The following SGK1 variants were observed in gnomAD, a reference collection of about 807,000 sequenced individuals.
The protein encoded by SGK1 is serine/threonine-protein kinase Sgk1.
Under a neutral mutation model 64.2 loss-of-function variants are expected in SGK1, and 26 were observed. The observed-to-expected ratio is 0.40, with a 90% confidence interval of 0.30 to 0.56. The LOEUF is 0.56. SGK1 is among the 20% of genes least tolerant of loss of function. SGK1 has a pLI of 0.38. For synonymous variants in SGK1, 265 were observed against 239.7 expected (o/e 1.11, Z -0.98); for missense variants, 519 against 645.6 (o/e 0.80, Z 2.12).
chr6:134,229,820 C>G (rs1192277917), intron 2 of SGK1, among the ~76,000 whole-genome samples: 1 of 152,002 alleles, frequency 6.6e-6, no homozygotes, highest in Non-Finnish European at 1.5e-5. Flanking sequence ...GAATGAGGCC[C>G]CAGGGTCAGG....
At chr6:134,313,134 T>G (rs1452992345) in intron 1 of SGK1, among the ~76,000 whole-genome samples, 1 of 152,230 alleles carries the variant, frequency 6.6e-6, no homozygotes, top group Non-Finnish European at 1.5e-5. Context: ...CCAGCAATAT[T>G]AATGCCATTT....
At chr6:134,296,919 ACCCTGCACAGGGGCCTCCCT>A (rs147241981) in intron 1 of SGK1, 48,608 of 375,384 alleles carry the variant, frequency 0.13, 3,367 homozygotes, top group East Asian at 0.28. Context: ...TCCCTGTCCT[ACCCTGCACAGGGGCCTCCCT>A]CCTGGGCTCT....
chr6:134,234,600 G>A (rs570224522), intron 2 of SGK1, among the ~76,000 whole-genome samples: 32 of 152,136 alleles, frequency 2.1e-4, no homozygotes, highest in African/African-American at 7.0e-4. Flanking sequence ...TTGGAGGGCC[G>A]GGTGTGGTGG....
chr6:134,178,980 CTATTT>C (rs770700749), intron 3 of SGK1, among the ~76,000 whole-genome samples: 11 of 150,794 alleles, frequency 7.3e-5, no homozygotes, highest in Non-Finnish European at 1.5e-4. Context: ...TTTCACTCTT[CTATTT>C]TATTTTTTTA....
At chr6:134,217,675 G>A (rs1221864791) in intron 2 of SGK1, among the ~76,000 whole-genome samples, 4 of 152,178 alleles carry the variant, frequency 2.6e-5, no homozygotes, top group Admixed American at 6.5e-5. Flanking sequence ...CAGGAGTCTG[G>A]TCAAGAGATT....
chr6:134,215,609 G>A (rs1186118734), intron 2 of SGK1, among the ~76,000 whole-genome samples: 2 of 152,018 alleles, frequency 1.3e-5, no homozygotes, highest in African/African-American at 4.8e-5. Context: ...ACATGCGCGC[G>A]GTGGCTCATG....
chr6:134,268,558 T>TAAAA (rs371777234), intron 1 of SGK1, among the ~76,000 whole-genome samples: 1 of 139,466 alleles, frequency 7.2e-6, no homozygotes, highest in Non-Finnish European at 1.6e-5. Flanking sequence ...CCGTCTCTAC[T>TAAAA]AAAAATACAA....
intron 1 of SGK1, among the ~76,000 whole-genome samples, chr6:134,280,443 A>C (rs1012016826): frequency 6.6e-6 from 1 of 151,938 alleles, no homozygotes; most frequent in Non-Finnish European, 1.5e-5. Context: ...AAATATATAT[A>C]TTTTTTAATT....
At chr6:134,304,991 T>A (rs1777513125) in intron 1 of SGK1, among the ~76,000 whole-genome samples, 3 of 152,184 alleles carry the variant, frequency 2.0e-5, no homozygotes, top group Non-Finnish European at 4.4e-5. Flanking sequence ...TACTAAATTA[T>A]TAAGAGCACT....
At chr6:134,217,264 G>T (rs1776001082) in intron 2 of SGK1, among the ~76,000 whole-genome samples, 1 of 152,190 alleles carries the variant, frequency 6.6e-6, no homozygotes, top group African/African-American at 2.4e-5. Flanking sequence ...CATGGCTTTG[G>T]AATTTGGTGA....
chr6:134,177,686 T>G (rs199624687), intron 3 of SGK1: 380 of 1,613,962 alleles, frequency 2.4e-4, no homozygotes, highest in South Asian at 5.8e-4. Flanking sequence ...TTTTATAGCT[T>G]CTTCTTTCAT....
chr6:134,201,138 G>C (rs1165177660), intron 3 of SGK1, among the ~76,000 whole-genome samples: 1 of 145,404 alleles, frequency 6.9e-6, no homozygotes. Flanking sequence ...TCAGCTCACT[G>C]CAACCTCTGC....
chr6:134,210,834 A>AAT (rs59053070), intron 2 of SGK1, among the ~76,000 whole-genome samples: 39 of 143,720 alleles, frequency 2.7e-4, no homozygotes, highest in African/African-American at 9.6e-4. Context: ...AAAAAAAAAA[A>AAT]TTTTAAAAGG....
intron 2 of SGK1, among the ~76,000 whole-genome samples, chr6:134,221,916 G>A (rs929071473): frequency 2.1e-4 from 32 of 152,250 alleles, no homozygotes; most frequent in South Asian, 1.0e-3. Context: ...GCCTCCCAAA[G>A]TGCTAGGATT....
At chr6:134,288,052 G>A (rs1398900317) in intron 1 of SGK1, among the ~76,000 whole-genome samples, 6 of 152,178 alleles carry the variant, frequency 3.9e-5, no homozygotes, top group Admixed American at 3.9e-4. Flanking sequence ...GATCTCTTGG[G>A]ATGTCTTCAG....
At chr6:134,216,591 C>T (rs988802306) in intron 2 of SGK1, among the ~76,000 whole-genome samples, 1 of 152,150 alleles carries the variant, frequency 6.6e-6, no homozygotes, top group African/African-American at 2.4e-5. Flanking sequence ...GAAACTACTA[C>T]CCTAGTTGCT....
At chr6:134,300,514 G>A (rs1777434342) in intron 1 of SGK1, among the ~76,000 whole-genome samples, 1 of 142,764 alleles carries the variant, frequency 7.0e-6, no homozygotes, top group African/African-American at 2.6e-5. Flanking sequence ...CTCCAGCCTG[G>A]GCAACAGCGC....
intron 2 of SGK1, among the ~76,000 whole-genome samples, chr6:134,241,569 A>G (rs1443736946): frequency 6.6e-6 from 1 of 152,092 alleles, no homozygotes; most frequent in Non-Finnish European, 1.5e-5. Context: ...TGCAGGCTCT[A>G]CGAAGTCTGT....
At chr6:134,204,321 G>A (rs1443746370) in intron 3 of SGK1, among the ~76,000 whole-genome samples, 1 of 151,452 alleles carries the variant, frequency 6.6e-6, no homozygotes, top group Non-Finnish European at 1.5e-5. Context: ...TGACTGGGAA[G>A]GATCTTCATG....
Sources: gnomAD v4.1 joint callset for allele counts (sites outside exome capture counted in the v4.1 genomes callset) on GRCh38, gnomAD v4.1.1 for gene constraint, MANE v1.5 for transcripts, NCBI Gene and HGNC (gene_info 2026-07-23, HGNC 2026-07-21) for gene names.